NRG3: variants seen among roughly 807,000 people sequenced by gnomAD.
The protein encoded by NRG3 is pro-neuregulin-3, membrane-bound isoform.
In NRG3, 31 loss-of-function variants were observed where a neutral mutation model predicts 66.9. That is an observed-to-expected ratio of 0.46 (90% CI 0.35 to 0.63). NRG3 has a LOEUF of 0.63. Among genes scored for constraint, NRG3 ranks in the 20% least tolerant of loss-of-function variants. NRG3 has a pLI of 0.00. For synonymous variants in NRG3, 393 were observed against 359.4 expected (o/e 1.09, Z -1.06); for missense variants, 910 against 878.9 (o/e 1.04, Z -0.45).
chr10:82,674,169 A>G (rs991158729), intron 2 of NRG3, among the ~76,000 whole-genome samples: 1 of 152,194 alleles, frequency 6.6e-6, no homozygotes, highest in East Asian at 1.9e-4. Context: ...AGATTTATTC[A>G]GGTTGGAATT....
intron 2 of NRG3, among the ~76,000 whole-genome samples, chr10:82,702,857 A>G (rs1012831451): frequency 6.6e-6 from 1 of 152,202 alleles, no homozygotes; most frequent in African/African-American, 2.4e-5. Context: ...TGTGATAAAC[A>G]TGCTTTGAAA....
chr10:82,369,184 A>C (rs1163641704), intron 2 of NRG3, among the ~76,000 whole-genome samples: 1 of 139,084 alleles, frequency 7.2e-6, no homozygotes, highest in East Asian at 2.1e-4. Flanking sequence ...CAGACTAGGG[A>C]GGCTGACACC....
chr10:82,675,550 T>C (rs980644191), intron 2 of NRG3, among the ~76,000 whole-genome samples: 4 of 152,194 alleles, frequency 2.6e-5, no homozygotes, highest in African/African-American at 9.7e-5. Context: ...TCTTGAATAA[T>C]GACTGGCAAT....
intron 1 of NRG3, among the ~76,000 whole-genome samples, chr10:82,280,272 G>A (rs533678254): frequency 6.6e-6 from 1 of 152,282 alleles, no homozygotes; most frequent in East Asian, 1.9e-4. Context: ...TAGGGCACAA[G>A]ATATAGATCA....
chr10:82,499,341 AG>A (rs951133191), intron 2 of NRG3, among the ~76,000 whole-genome samples: 1 of 152,160 alleles, frequency 6.6e-6, no homozygotes, highest in Non-Finnish European at 1.5e-5. Flanking sequence ...TTGCATTTTC[AG>A]GTTCATTTAC....
chr10:82,136,746 C>A (rs565041592), intron 1 of NRG3, among the ~76,000 whole-genome samples: 1 of 152,140 alleles, frequency 6.6e-6, no homozygotes, highest in Admixed American at 6.6e-5. Context: ...TGGGTTCTCA[C>A]CACTGGGATG....
chr10:82,540,610 AC>A (rs892926210), intron 2 of NRG3, among the ~76,000 whole-genome samples: 11 of 152,104 alleles, frequency 7.2e-5, no homozygotes, highest in Admixed American at 4.6e-4. Context: ...GGGGACATCC[AC>A]CCAGGGAAGG....
chr10:82,853,039 A>C (rs2063637734), intron 3 of NRG3, among the ~76,000 whole-genome samples: 1 of 152,162 alleles, frequency 6.6e-6, no homozygotes, highest in African/African-American at 2.4e-5. Flanking sequence ...CTGAGGTGTT[A>C]GAATAGGGTA....
chr10:82,907,387 C>A (rs997128247), intron 4 of NRG3, among the ~76,000 whole-genome samples: 48 of 152,272 alleles, frequency 3.2e-4, no homozygotes, highest in Middle Eastern at 3.4e-3. Flanking sequence ...TTTTACCCCA[C>A]TTTTAACAGT....
At chr10:82,633,572 A>G (rs1480649369) in intron 2 of NRG3, among the ~76,000 whole-genome samples, 2 of 152,184 alleles carry the variant, frequency 1.3e-5, no homozygotes, top group Non-Finnish European at 2.9e-5. Context: ...AATTAGTATT[A>G]GTGCAGTCCA....
chr10:82,496,132 T>C (rs1057126633), intron 2 of NRG3, among the ~76,000 whole-genome samples: 53 of 152,136 alleles, frequency 3.5e-4, no homozygotes, highest in African/African-American at 6.0e-4. Flanking sequence ...ATATTCAGAA[T>C]TACTCTGAAA....
Position 82,705,000 on chromosome 10 carries a change from A to T in NRG3, c.954-33577A>T, listed in dbSNP as rs1373197784. Among the ~76,000 whole-genome samples, 2 of 152,234 alleles carry T rather than the reference A, an allele frequency of 1.3e-5. 1 individual carries two copies. The highest frequency in any genetic ancestry group is 3.8e-4 in the East Asian group (2 of 5,200). On this transcript the variant is annotated intron_variant, in intron 2 of 8. Transcript: ENST00000372141. Reference sequence around the variant, plus strand: ...GAATAATAGAAATCATGCAAAAAGTAAAAATAAATTGATAATAGTGTTCAC... The same window carrying T: ...GAATAATAGAAATCATGCAAAAAGTTAAAATAAATTGATAATAGTGTTCAC...
intron 4 of NRG3, among the ~76,000 whole-genome samples, chr10:82,885,841 C>T (rs1262635909): frequency 2.0e-5 from 3 of 151,884 alleles, no homozygotes; most frequent in Non-Finnish European, 4.4e-5. Flanking sequence ...GGATTACAGG[C>T]GTGAGCCACC....
At chr10:82,309,261 T>A (rs1353040533) in intron 1 of NRG3, among the ~76,000 whole-genome samples, 1 of 152,210 alleles carries the variant, frequency 6.6e-6, no homozygotes, top group Non-Finnish European at 1.5e-5. Context: ...TTTATACAAA[T>A]TGTTATGAGA....
At chr10:82,160,292 G>T (rs1274246155) in intron 1 of NRG3, among the ~76,000 whole-genome samples, 1 of 151,878 alleles carries the variant, frequency 6.6e-6, no homozygotes, top group Non-Finnish European at 1.5e-5. Context: ...TCTGCTAATG[G>T]CTTGGCAGAA....
In NRG3 at chr10:81,976,187, T is replaced by C. The variant is rs547292741; in HGVS notation, c.823+100024T>C. Among the ~76,000 whole-genome samples, 58 of 152,298 alleles carry C rather than the reference T, an allele frequency of 3.8e-4. 1 individual carries two copies. The highest frequency in any genetic ancestry group is 1.4e-3 in the African/African-American group (57 of 41,562). On this transcript the variant is annotated intron_variant, in intron 1 of 8. Transcript: ENST00000372141. ...ACTTGAGGGGTGAGGTAGTTGGGTA[T>C]TTATAACACATACCATTGGTTGGTA... is the stretch of plus-strand genomic sequence containing the variant.
intron 2 of NRG3, among the ~76,000 whole-genome samples, chr10:82,532,140 G>A (rs944073374): frequency 6.6e-6 from 1 of 151,616 alleles, no homozygotes; most frequent in African/African-American, 2.4e-5. Flanking sequence ...CTTTGTATTA[G>A]GAACATTATT....
intron 2 of NRG3, among the ~76,000 whole-genome samples, chr10:82,682,680 G>A (rs1387017593): frequency 1.3e-5 from 2 of 152,070 alleles, no homozygotes; most frequent in Admixed American, 6.6e-5. Context: ...TCTTAAATAT[G>A]TTATGTTTGC....
intron 2 of NRG3, among the ~76,000 whole-genome samples, chr10:82,456,950 A>T (rs11194421): frequency 0.022 from 3,382 of 152,084 alleles, 130 homozygotes; most frequent in East Asian, 0.16. Flanking sequence ...CTTCCATACT[A>T]CGGAATGTAT....
Sources: gnomAD v4.1 joint callset for allele counts (sites outside exome capture counted in the v4.1 genomes callset) on GRCh38, gnomAD v4.1.1 for gene constraint, MANE v1.5 for transcripts, NCBI Gene and HGNC (gene_info 2026-07-23, HGNC 2026-07-21) for gene names.